Variants in ADAM2 observed in about 807,000 individuals in gnomAD.
ADAM2 encodes disintegrin and metalloproteinase domain-containing protein 2.
Under a neutral mutation model 99.3 loss-of-function variants are expected in ADAM2, and 101 were observed. The observed-to-expected ratio is 1.02, with a 90% CI of 0.87 to 1.20. The LOEUF is 1.20. ADAM2 is among the 50% of genes most tolerant of loss of function. ADAM2 has a pLI of 0.00. For missense variants in ADAM2, 948 were observed against 878.7 expected, an observed-to-expected ratio of 1.08 and a Z score of -1.00; for synonymous variants, 323 against 287.6, an observed-to-expected ratio of 1.12 and a Z score of -1.25.
chr8:39,825,655 C>G (rs974912531), intron 3 of ADAM2, among the ~76,000 whole-genome samples: 5 of 151,642 alleles, frequency 3.3e-5, no homozygotes, highest in Admixed American at 2.6e-4. Flanking sequence ...CCCAGATGAA[C>G]TTTAAAGATC....
Position 39,806,454 on chromosome 8 carries a change from A to G in ADAM2, c.570+2956T>C, listed in dbSNP as rs1433910181. On this transcript the variant is annotated intron_variant, in intron 7 of 20. Coordinates refer to ENST00000265708, the MANE Select transcript of ADAM2 (RefSeq NM_001464.5). The stretch of plus-strand genomic sequence containing the variant: ...TGTCCCGTTTTCAACAAAGTATGAC[A>G]CATAATAAAAAAAAAGTTATATATA... Among the ~76,000 whole-genome samples, 4 of 148,938 alleles carry G rather than the reference A, an allele frequency of 2.7e-5. No homozygotes were observed. The East Asian group carries it at 7.7e-4, about 29-fold the overall frequency.
At chr8:39,770,079 G>T (rs557828455) in intron 11 of ADAM2, among the ~76,000 whole-genome samples, 8 of 151,192 alleles carry the variant, frequency 5.3e-5, no homozygotes, top group African/African-American at 1.9e-4. Flanking sequence ...CCAAGTAACT[G>T]GGATTAGAGG....
intron 15 of ADAM2, among the ~76,000 whole-genome samples, 157 bp downstream of exon 15, chr8:39,761,019 G>C (rs1278004222): frequency 6.6e-6 from 1 of 151,954 alleles, no homozygotes; most frequent in African/African-American, 2.4e-5. Flanking sequence ...TTGGTTATAG[G>C]AGAGGAGAAA....
At chr8:39,837,248 C>T (rs79478086) in intron 1 of ADAM2, 36 bp from the exon 2 acceptor site, 5 of 1,449,090 alleles carry the variant, frequency 3.5e-6, no homozygotes, top group Non-Finnish European at 4.8e-6. Context: ...TAGAACAATG[C>T]CCATCATTTC....
chr8:39,756,022 A>C lies in ADAM2; in HGVS notation c.1614-111T>G, dbSNP rs1802139273. On this transcript the variant is annotated intron_variant, in intron 15 of 20. Transcript: ENST00000265708. ...AAGTATTCAAGGTTTGCAAGCTAAT[A>C]CATGCAATTCGTTTTAAAACACCAA... 5.2e-6 allele frequency: 3 copies of C among 576,210 alleles called. No individual in the cohort carries two copies. The East Asian group carries it at 9.9e-5, about 19-fold the overall frequency. The allele number at this position is 576,210 out of a possible 1,614,324, so 35.7% of individuals were successfully genotyped here. A position where few individuals can be genotyped will look rare whatever the true frequency, so the allele number is the denominator to read the frequency against.
intron 6 of ADAM2, among the ~76,000 whole-genome samples, chr8:39,817,236 G>A (rs550951403): frequency 1.3e-5 from 2 of 152,142 alleles, no homozygotes; most frequent in Non-Finnish European, 2.9e-5. Flanking sequence ...TTATGTAAGT[G>A]TGTGCATTAA....
intron 4 of ADAM2, 66 bp from the exon 5 acceptor site, chr8:39,821,728 G>T: frequency 8.9e-7 from 1 of 1,126,426 alleles, no homozygotes; most frequent in Non-Finnish European, 1.3e-6. Flanking sequence ...TTTCAAATAT[G>T]TAAAACATAT....
At chr8:39,814,208 A>C (rs1245355852) in intron 6 of ADAM2, among the ~76,000 whole-genome samples, 1 of 151,882 alleles carries the variant, frequency 6.6e-6, no homozygotes, top group Non-Finnish European at 1.5e-5. Context: ...AAATACAAAA[A>C]ATTAGCTGGG....
chr8:39,816,532 T>A (rs1804950246), intron 6 of ADAM2, among the ~76,000 whole-genome samples: 1 of 152,166 alleles, frequency 6.6e-6, no homozygotes, highest in Admixed American at 6.5e-5. Context: ...TTATAATATT[T>A]AAAAAGTAGA....
intron 6 of ADAM2, among the ~76,000 whole-genome samples, chr8:39,812,211 C>A (rs1036410012): frequency 6.6e-6 from 1 of 152,140 alleles, no homozygotes; most frequent in African/African-American, 2.4e-5. Flanking sequence ...AGGAATCCAA[C>A]TTACCAGGGA....
chr8:39,816,510 T>C (rs1401300898), intron 6 of ADAM2, among the ~76,000 whole-genome samples: 2 of 152,186 alleles, frequency 1.3e-5, no homozygotes, highest in East Asian at 1.9e-4. Context: ...TATATTAATG[T>C]TCCTAGCAAT....
Position 39,746,647 on chromosome 8 carries a change from A to G in ADAM2, c.2015-16T>C, listed in dbSNP as rs769688529. The G allele has an allele frequency of 6.2e-5, 96 of 1,551,796 alleles. No individual in the cohort carries two copies. Among genetic ancestry groups the G allele is most frequent in the Non-Finnish European group, 7.8e-5 (90 of 1,157,724 alleles). On this transcript the variant is annotated splice_polypyrimidine_tract_variant and intron_variant, in intron 18 of 20. Transcript: ENST00000265708. ...TAGCGCCTTTCTAGAAGAAAAAAAA[A>G]TCAAAGATTTGAAAGCAAGCACCAG...
intron 7 of ADAM2, among the ~76,000 whole-genome samples, chr8:39,793,861 C>T (rs1901386): frequency 0.47 from 71,401 of 151,876 alleles, 17,122 homozygotes; most frequent in South Asian, 0.67. Flanking sequence ...GTCTATACAG[C>T]CCATAATGTC....
intron 10 of ADAM2, among the ~76,000 whole-genome samples, chr8:39,782,828 C>T (rs1466610202): frequency 6.6e-6 from 1 of 151,906 alleles, no homozygotes; most frequent in Non-Finnish European, 1.5e-5. Context: ...TTAGTTTGAG[C>T]TTTGATGATT....
chr8:39,772,625 C>T (rs1015328109), intron 11 of ADAM2, among the ~76,000 whole-genome samples: 1 of 151,944 alleles, frequency 6.6e-6, no homozygotes, highest in Non-Finnish European at 1.5e-5. Flanking sequence ...TAACTTGCAG[C>T]AAAATCTAAA....
intron 7 of ADAM2, among the ~76,000 whole-genome samples, chr8:39,799,169 G>A (rs1804101788): frequency 6.6e-6 from 1 of 152,120 alleles, no homozygotes; most frequent in Admixed American, 6.5e-5. Flanking sequence ...TCCAACATGG[G>A]CATTTCGTGC....
At chr8:39,760,548 C>T (rs1333518512) in intron 15 of ADAM2, among the ~76,000 whole-genome samples, 1 of 151,888 alleles carries the variant, frequency 6.6e-6, no homozygotes, top group African/African-American at 2.4e-5. Flanking sequence ...GGTGAAACCC[C>T]GTCTCTACTG....
At position 39,771,530 on chromosome 8, in the gene ADAM2, A is replaced by AT. The variant is rs1380863492; in HGVS notation, c.1029-1956dup. On this transcript the variant is annotated intron_variant, in intron 11 of 20. Transcript: ENST00000265708. ...AAAGATTATAATCACGATGGCCTATATTTTGATGGAAGACATTGTTAATAG... is the reference window on the plus strand; with the variant it reads ...AAAGATTATAATCACGATGGCCTATATTTTTGATGGAAGACATTGTTAATAG... 1.1e-4 allele frequency among the ~76,000 whole-genome samples: 17 copies of AT among 152,292 alleles called. No individual in the cohort carries two copies. In the East Asian group the frequency reaches 3.3e-3, roughly 29 times the overall value.
chr8:39,820,934 A>G, intron 6 of ADAM2, 68 bp downstream of exon 6: 1 of 992,012 alleles, frequency 1.0e-6, no homozygotes. Context: ...TAATTTATCA[A>G]CTATAAATTT....
Sources: allele counts gnomAD v4.1 joint callset (sites outside exome capture counted in the v4.1 genomes callset), GRCh38; gene constraint gnomAD v4.1.1; transcripts MANE v1.5; gene names NCBI Gene and HGNC (gene_info 2026-07-23, HGNC 2026-07-21).